CUBN: variants seen among roughly 807,000 people sequenced by gnomAD.
CUBN encodes the protein cubilin.
CUBN carries 282 observed loss-of-function variants against 405.3 expected under a neutral mutation model. The observed-to-expected ratio is 0.70, with a 90% CI of 0.63 to 0.77. The LOEUF (loss-of-function observed/expected upper bound fraction) is 0.77. CUBN is among the 30% of genes least tolerant of loss of function. CUBN has a pLI of 0.00. For missense variants in CUBN, 4,514 were observed against 4,475.2 expected (o/e 1.01, Z -0.25); for synonymous variants, 1,684 against 1,617.0 (o/e 1.04, Z -0.99).
chr10:17,068,688 T>C lies in CUBN; in HGVS notation c.2708A>G (p.Tyr903Cys), dbSNP rs554539262. Residue 903 changes from tyrosine (Y) to cysteine (C), a missense_variant, in exon 20 of 67, where the codon TAC becomes TGC. By Grantham distance (194) the Tyr-to-Cys change is radical. Transcript: ENST00000377833. Reference protein sequence around the residue: ...TDIPSFITSVYNFLYVTFVKS... With the variant: ...TDIPSFITSVCNFLYVTFVKS... Reference sequence around the variant, plus strand: ...CACGAATGTGACATAAAGAAAATTGTACACAGATGTTATAAATGAAGGTAT... The same window carrying C: ...CACGAATGTGACATAAAGAAAATTGCACACAGATGTTATAAATGAAGGTAT... 1.9e-6 allele frequency: 3 copies of C among 1,612,384 alleles called. No homozygotes were observed. The highest frequency in any genetic ancestry group is 2.2e-5 in the South Asian group (2 of 90,958).
chr10:16,941,785 T>C (rs752342900), intron 36 of CUBN, among the ~76,000 whole-genome samples: 7 of 152,024 alleles, frequency 4.6e-5, no homozygotes, highest in Non-Finnish European at 1.0e-4. Flanking sequence ...GAGGCTGAAG[T>C]GAGGGGTGAT....
At chr10:17,082,703 G>A (rs900592916) in intron 17 of CUBN, among the ~76,000 whole-genome samples, 1 of 152,164 alleles carries the variant, frequency 6.6e-6, no homozygotes, top group Non-Finnish European at 1.5e-5. Flanking sequence ...TGGAAGATGA[G>A]ACACCTCTTG....
intron 15 of CUBN, among the ~76,000 whole-genome samples, chr10:17,086,779 A>G (rs1836120011): frequency 6.6e-6 from 1 of 152,192 alleles, no homozygotes; most frequent in Non-Finnish European, 1.5e-5. Context: ...GCATAACTTT[A>G]TTCTAATATT....
chr10:16,906,136 C>T, intron 50 of CUBN, 67 bp downstream of exon 50: 1 of 1,295,156 alleles, frequency 7.7e-7, no homozygotes, highest in Non-Finnish European at 1.1e-6. Flanking sequence ...ACAGCAGCGA[C>T]AACAACAAAA....
intron 31 of CUBN, among the ~76,000 whole-genome samples, chr10:16,973,093 C>T (rs888807154): frequency 6.6e-6 from 1 of 152,184 alleles, no homozygotes; most frequent in Non-Finnish European, 1.5e-5. Context: ...TTAACTGGAG[C>T]AGAAGAGAGC....
At chr10:16,939,853 T>C (rs1842606986) in intron 37 of CUBN, among the ~76,000 whole-genome samples, 179 bp downstream of exon 37, 1 of 152,212 alleles carries the variant, frequency 6.6e-6, no homozygotes, top group African/African-American at 2.4e-5. Flanking sequence ...CTTGCCCTTA[T>C]TGAGCCATTC....
chr10:16,990,907 C>T (rs139472707), intron 28 of CUBN, among the ~76,000 whole-genome samples: 12 of 152,214 alleles, frequency 7.9e-5, no homozygotes, highest in African/African-American at 2.6e-4. Context: ...ACTTCAGGTC[C>T]CTGGGCCTTC....
Position 17,000,374 on chromosome 10 carries a change from G to C in CUBN, c.4169-9859C>G, listed in dbSNP as rs920608203. Among the ~76,000 whole-genome samples, 7 of 152,240 alleles carry C rather than the reference G, an allele frequency of 4.6e-5. No individual in the cohort carries two copies. The South Asian group carries it at 1.0e-3, about 23-fold the overall frequency. ...GTAATAAAGCAGAAATTGTGTTTAA[G>C]GATTGCAAATAACATCAGCTATTTC... is the stretch of plus-strand genomic sequence containing the variant. On this transcript the variant is annotated intron_variant, in intron 28 of 66. Coordinates refer to ENST00000377833, the MANE Select transcript of CUBN (RefSeq NM_001081.4).
rs190310472 is a variant in CUBN at position 17,080,800 on chromosome 10, T to C, written c.2301+3471A>G. Among the ~76,000 whole-genome samples the C allele has an allele frequency of 3.3e-3, 500 of 152,370 alleles. 3 individuals carry two copies. The highest frequency in any genetic ancestry group is 0.02 in the Middle Eastern group (6 of 294). On this transcript the variant is annotated intron_variant, in intron 17 of 66. Transcript: ENST00000377833. The stretch of plus-strand genomic sequence containing the variant: ...GAGTTCTGATGGCTTAAATCACTTA[T>C]GAAATATTAATGAGAGGTGCTGCTT...
At chr10:17,035,524 C>A (rs2131808785) in intron 27 of CUBN, among the ~76,000 whole-genome samples, 1 of 152,202 alleles carries the variant, frequency 6.6e-6, no homozygotes, top group African/African-American at 2.4e-5. Flanking sequence ...CAACTCTTTT[C>A]AATGAACTTT....
At chr10:17,108,230 A>T (rs1836682733) in intron 10 of CUBN, among the ~76,000 whole-genome samples, 1 of 152,230 alleles carries the variant, frequency 6.6e-6, no homozygotes, top group African/African-American at 2.4e-5. Flanking sequence ...ATGAAGAACT[A>T]AAGCACAGAG....
chr10:17,122,702 T>C, intron 6 of CUBN, 93 bp downstream of exon 6: 2 of 777,242 alleles, frequency 2.6e-6, no homozygotes, highest in Admixed American at 2.1e-5. Flanking sequence ...TTTGGTGGAA[T>C]ACAGATAGTT....
chr10:16,839,223 C>T (rs1839267575), intron 62 of CUBN, among the ~76,000 whole-genome samples: 2 of 152,110 alleles, frequency 1.3e-5, no homozygotes, highest in Admixed American at 6.6e-5. Context: ...TTTTAAGATG[C>T]ATCTTAATGC....
chr10:16,933,009 T>C (rs535597168), intron 40 of CUBN, 78 bp downstream of exon 40: 25 of 1,430,074 alleles, frequency 1.7e-5, no homozygotes, highest in African/African-American at 2.8e-5. Flanking sequence ...ATGGAGGCAG[T>C]ATGCAAGTCT....
rs2131361087 is a variant in CUBN, at chr10:16,865,534, C to T, written c.9454+4102G>A. 1.3e-5 allele frequency among the ~76,000 whole-genome samples: 2 copies of T among 152,164 alleles called. 1 individual carries two copies. Among genetic ancestry groups the T allele is most frequent in the African/African-American group, 4.8e-5 (2 of 41,518 alleles). On this transcript the variant is annotated intron_variant, in intron 59 of 66. Coordinates refer to ENST00000377833, the MANE Select transcript of CUBN (RefSeq NM_001081.4). ...GTGAAGCCAGTTGGACTTCCTGGGT[C>T]AAGTGGGGACTTGGAGAACTTTTCT... is the stretch of plus-strand genomic sequence containing the variant.
chr10:16,940,656 T>G (rs376743146), intron 36 of CUBN, among the ~76,000 whole-genome samples: 1 of 152,124 alleles, frequency 6.6e-6, no homozygotes, highest in Non-Finnish European at 1.5e-5. Flanking sequence ...ATGTAAGCAC[T>G]ATAGATGGTG....
chr10:16,973,325 A>G (rs1353391658), intron 31 of CUBN, among the ~76,000 whole-genome samples: 1 of 152,132 alleles, frequency 6.6e-6, no homozygotes, highest in African/African-American at 2.4e-5. Context: ...TCCAGGCCCA[A>G]ATGAATGATG....
At chr10:16,993,701 C>T (rs1833656146) in intron 28 of CUBN, among the ~76,000 whole-genome samples, 1 of 149,526 alleles carries the variant, frequency 6.7e-6, no homozygotes, top group South Asian at 2.1e-4. Flanking sequence ...GGGGTTTCAT[C>T]ACCATGTTGG....
At chr10:16,890,830 C>T (rs2131400922) in intron 54 of CUBN, among the ~76,000 whole-genome samples, 1 of 152,134 alleles carries the variant, frequency 6.6e-6, no homozygotes, top group Middle Eastern at 3.4e-3. Flanking sequence ...TTCTAGTTGC[C>T]CTGACCTAGC....
Sources: gnomAD v4.1 joint callset for allele counts (sites outside exome capture counted in the v4.1 genomes callset) on GRCh38, gnomAD v4.1.1 for gene constraint, MANE v1.5 for transcripts, NCBI Gene and HGNC (gene_info 2026-07-23, HGNC 2026-07-21) for gene names.